Variants in PCDHGA2 observed in about 807,000 individuals in gnomAD.
PCDHGA2 encodes protocadherin gamma-A2.
PCDHGA2 carries 40 observed loss-of-function variants against 59.2 expected under a neutral mutation model. The ratio of observed to expected loss-of-function variants is 0.68; its 90% CI spans 0.52 to 0.88. PCDHGA2 has a LOEUF of 0.88. Among genes scored for constraint, PCDHGA2 ranks in the 40% least tolerant of loss-of-function variants. PCDHGA2 has a pLI of 0.00. For missense variants in PCDHGA2, 1,226 were observed against 1,204.0 expected, an observed-to-expected ratio of 1.02 and a Z score of -0.27; for synonymous variants, 560 against 526.0, an observed-to-expected ratio of 1.06 and a Z score of -0.89.
chr5:141,510,795 G>T (rs994874330), intron 3 of PCDHGA2, 152 bp from the exon 4 acceptor site: 6 of 1,465,214 alleles, frequency 4.1e-6, no homozygotes. Flanking sequence ...CTTGTGAAGA[G>T]AGACTACCTT....
chr5:141,487,312 TAA>T lies in PCDHGA2; in HGVS notation c.2425-7494_2425-7493del, dbSNP rs1464336630. ...TTGGCTCATTCGTGGCACTACTCTC[TAA>T]GTGTCTTCGTGGGGCAGCCTGTGGA... On this transcript the variant is annotated intron_variant, in intron 1 of 3. Transcript: ENST00000394576. The surrounding 1 kb of genome is among the most constrained non-coding windows in gnomAD (Gnocchi z 5.0). 1 of 1,614,158 alleles carries T rather than the reference TAA, an allele frequency of 6.2e-7. No homozygotes were observed. Among genetic ancestry groups the T allele is most frequent in the African/African-American group, 1.3e-5 (1 of 75,056 alleles).
chr5:141,357,958 G>A (rs1332570049), intron 1 of PCDHGA2, among the ~76,000 whole-genome samples: 1 of 152,198 alleles, frequency 6.6e-6, no homozygotes, highest in African/African-American at 2.4e-5. Flanking sequence ...GGGAGTGTGA[G>A]GAGGACGGAT....
intron 1 of PCDHGA2, chr5:141,391,108 A>G (rs1253319004): frequency 6.6e-6 from 1 of 152,138 alleles, no homozygotes; most frequent in African/African-American, 2.4e-5. Flanking sequence ...CTAAACTAAT[A>G]TAGCTAGAGG....
In PCDHGA2 at chr5:141,487,494, C is replaced by T. The variant is rs116370895; in HGVS notation, c.2425-7313C>T. 12 of 1,614,120 alleles carry T rather than the reference C, an allele frequency of 7.4e-6. No individual in the cohort carries two copies. The East Asian group carries it at 1.1e-4, about 15-fold the overall frequency. On this transcript the variant is annotated intron_variant, in intron 1 of 3. Transcript: ENST00000394576. The surrounding 1 kb of genome is among the most constrained non-coding windows in gnomAD (Gnocchi z 5.0). Reference sequence around the variant, plus strand: ...GGAGGCCACTCTCATGGCTGTACACCCTTGGCTTCTGCACCCACTCGGAGT... The same window carrying T: ...GGAGGCCACTCTCATGGCTGTACACTCTTGGCTTCTGCACCCACTCGGAGT...
At chr5:141,345,253 C>T (rs1259196746) in intron 1 of PCDHGA2, 2 of 1,613,946 alleles carry the variant, frequency 1.2e-6, no homozygotes, top group Non-Finnish European at 1.7e-6. Flanking sequence ...TTAGTGACGG[C>T]CACATCCCTG....
rs757503771 is a variant in PCDHGA2 at position 141,433,052 on chromosome 5, A to C, written c.2425-61755A>C. 31 of 1,614,060 alleles carry C rather than the reference A, an allele frequency of 1.9e-5. No homozygotes were observed. Among genetic ancestry groups the C allele is most frequent in the Non-Finnish European group, 1.8e-5 (21 of 1,180,044 alleles). On this transcript the variant is annotated intron_variant, in intron 1 of 3. Coordinates refer to ENST00000394576, the MANE Select transcript of PCDHGA2 (RefSeq NM_018915.4). ...GGTTTCCCTCACCACGGACTCGCGG[A>C]AGAGTCACCTGATCTTCCCCCAGCC...
intron 1 of PCDHGA2, among the ~76,000 whole-genome samples, chr5:141,348,510 CAG>C (rs1332702860): frequency 6.6e-6 from 1 of 152,056 alleles, no homozygotes; most frequent in Non-Finnish European, 1.5e-5. Flanking sequence ...TTAGCTGTGT[CAG>C]GGGAAATTTG....
chr5:141,403,030 C>T, intron 1 of PCDHGA2: 1 of 1,614,056 alleles, frequency 6.2e-7, no homozygotes, highest in Non-Finnish European at 8.5e-7. Flanking sequence ...TATGGGAGGC[C>T]AGGGCCAGTC....
chr5:141,347,542 T>A (rs1350784057), intron 1 of PCDHGA2, among the ~76,000 whole-genome samples: 1 of 151,958 alleles, frequency 6.6e-6, no homozygotes, highest in South Asian at 2.1e-4. Flanking sequence ...ATCCCAGCAC[T>A]TTGGGAGGCT....
In PCDHGA2 at chr5:141,445,037, GT is replaced by G. The variant is rs2098454887; in HGVS notation, c.2425-49766del. 5.3e-5 allele frequency among the ~76,000 whole-genome samples: 8 copies of G among 152,072 alleles called. No homozygotes were observed. In the South Asian group the frequency reaches 1.7e-3, roughly 32 times the overall value. On this transcript the variant is annotated intron_variant, in intron 1 of 3. Transcript: ENST00000394576. ...TAATTTCTCTCAGCTATGTTGTATAGTTTTCAGTGTAGAGAGGTCATGTATA... is the reference window on the plus strand; with the variant it reads ...TAATTTCTCTCAGCTATGTTGTATAGTTTCAGTGTAGAGAGGTCATGTATA...
At chr5:141,433,358 C>CTAT (rs2097585632) in intron 1 of PCDHGA2, 108 of 504,044 alleles carry the variant, frequency 2.1e-4, no homozygotes, top group African/African-American at 2.0e-3. Flanking sequence ...CTACTGTCTG[C>CTAT]CTATCTATCT....
At chr5:141,357,790 C>T in intron 1 of PCDHGA2, 2 of 835,328 alleles carry the variant, frequency 2.4e-6, no homozygotes, top group Non-Finnish European at 3.6e-6. Flanking sequence ...CAGTATTTAC[C>T]ACACAAAAAT....
At chr5:141,376,356 C>T in intron 1 of PCDHGA2, 1 of 1,614,228 alleles carries the variant, frequency 6.2e-7, no homozygotes, top group South Asian at 1.1e-5. Flanking sequence ...CACGAGGTCT[C>T]ACTCACTGCA....
intron 1 of PCDHGA2, among the ~76,000 whole-genome samples, chr5:141,482,179 G>A (rs1398839482): frequency 6.6e-6 from 1 of 152,040 alleles, no homozygotes; most frequent in Non-Finnish European, 1.5e-5. Flanking sequence ...AAGGCTTTAC[G>A]ATGCTCCAGT....
intron 1 of PCDHGA2, chr5:141,394,820 C>T (rs1480144579): frequency 5.6e-6 from 9 of 1,613,748 alleles, no homozygotes; most frequent in African/African-American, 1.3e-5. Flanking sequence ...ACAGCATCCC[C>T]GAAGTCCTGA....
intron 2 of PCDHGA2, among the ~76,000 whole-genome samples, chr5:141,496,486 C>T (rs186488143): frequency 1.3e-5 from 2 of 152,322 alleles, no homozygotes; most frequent in East Asian, 3.9e-4. Flanking sequence ...CTGCAACCAA[C>T]CAAACCCTTG....
intron 3 of PCDHGA2, 134 bp downstream of exon 3, chr5:141,505,615 C>T: frequency 2.0e-6 from 3 of 1,504,946 alleles, no homozygotes; most frequent in Non-Finnish European, 1.8e-6. Flanking sequence ...TCTGAAAGGA[C>T]CCACAATTCC....
At chr5:141,363,263 C>T (rs933065042) in intron 1 of PCDHGA2, among the ~76,000 whole-genome samples, 3 of 152,278 alleles carry the variant, frequency 2.0e-5, no homozygotes, top group South Asian at 2.1e-4. Context: ...TTACTTAAAA[C>T]TTTGCTTTTG....
At chr5:141,358,113 C>G (rs1434059744) in intron 1 of PCDHGA2, among the ~76,000 whole-genome samples, 1 of 152,208 alleles carries the variant, frequency 6.6e-6, no homozygotes, top group Admixed American at 6.5e-5. Flanking sequence ...TTGCTTGAAC[C>G]TGGGAGGCAG....
Sources: gnomAD v4.1 joint callset for allele counts (sites outside exome capture counted in the v4.1 genomes callset) on GRCh38, gnomAD v4.1.1 for gene constraint, Gnocchi (gnomAD v3.1) non-coding constraint, MANE v1.5 for transcripts, NCBI Gene and HGNC (gene_info 2026-07-23, HGNC 2026-07-21) for gene names.